The following TERF2 variants were observed in gnomAD, a reference collection of about 807,000 sequenced individuals.
The protein encoded by TERF2 is telomeric repeat binding factor 2.
In TERF2, 16 loss-of-function variants were observed where a neutral mutation model predicts 56.1. The ratio of observed to expected loss-of-function variants is 0.29; its 90% CI spans 0.19 to 0.43. TERF2 has a LOEUF of 0.43. Among genes scored for constraint, TERF2 ranks in the 20% least tolerant of loss-of-function variants. TERF2 has a pLI of 1.00. For synonymous variants in TERF2, 296 were observed against 282.1 expected (o/e 1.05, Z -0.50); for missense variants, 547 against 712.9 (o/e 0.77, Z 2.65).
At chr16:69,375,857 AT>A (rs914894457) in intron 3 of TERF2, among the ~76,000 whole-genome samples, 2 of 151,438 alleles carry the variant, frequency 1.3e-5, no homozygotes, top group Admixed American at 6.6e-5. Context: ...TTTTCATGTA[AT>A]TTTTTTTTAC....
At chr16:69,385,302 T>G in intron 2 of TERF2, 89 bp downstream of exon 2, 1 of 1,179,524 alleles carries the variant, frequency 8.5e-7, no homozygotes, top group Non-Finnish European at 1.3e-6. Flanking sequence ...CTATCGCACT[T>G]TAACCTGGAA....
At chr16:69,378,615 G>A (rs1363210397) in intron 3 of TERF2, among the ~76,000 whole-genome samples, 2 of 152,162 alleles carry the variant, frequency 1.3e-5, no homozygotes, top group East Asian at 1.9e-4. Flanking sequence ...TTGAGTCTGG[G>A]CTGGGTGACA....
chr16:69,363,693 G>A (rs1462581903), intron 7 of TERF2, among the ~76,000 whole-genome samples: 1 of 152,216 alleles, frequency 6.6e-6, no homozygotes, highest in African/African-American at 2.4e-5. Context: ...AGACAGTTGG[G>A]AGCAGTGGCT....
chr16:69,363,046 G>T (rs532221017), intron 7 of TERF2, among the ~76,000 whole-genome samples: 2 of 152,298 alleles, frequency 1.3e-5, no homozygotes, highest in South Asian at 4.1e-4. Flanking sequence ...ACAAATGGTA[G>T]ACCTAACTTT....
At chr16:69,372,183 T>A in intron 4 of TERF2, 86 bp downstream of exon 4, 2 of 916,748 alleles carry the variant, frequency 2.2e-6, no homozygotes, top group Non-Finnish European at 3.4e-6. Context: ...TAAGTAATAT[T>A]CCTGACCAAG....
chr16:69,375,263 T>C (rs1313973649), intron 3 of TERF2, among the ~76,000 whole-genome samples: 2 of 152,226 alleles, frequency 1.3e-5, no homozygotes, highest in Non-Finnish European at 2.9e-5. Flanking sequence ...CTAAGGTAAA[T>C]ACCCAAGAAT....
intron 7 of TERF2, among the ~76,000 whole-genome samples, chr16:69,364,225 C>T (rs2013254984): frequency 6.6e-6 from 1 of 152,122 alleles, no homozygotes; most frequent in African/African-American, 2.4e-5. Flanking sequence ...GTCCAAGTGA[C>T]ACTGCCAACC....
In TERF2 at chr16:69,368,743, C is replaced by A. The variant is rs534631814; in HGVS notation, c.841-261G>T. 8.7e-4 allele frequency: 615 copies of A among 704,434 alleles called. 9 individuals are homozygous for A. Among genetic ancestry groups the A allele is most frequent in the South Asian group, 7.3e-3 (440 of 60,448 alleles). 43.6% of individuals were successfully genotyped at this position (704,434 alleles called of 1,614,324 possible). A position where few individuals can be genotyped will look rare whatever the true frequency, so the allele number is the denominator to read the frequency against. The stretch of plus-strand genomic sequence containing the variant: ...CCAGGCTGCAGCACAGTGGTGCAAT[C>A]TCGGCTCACTGCAATCTCCACCTCC... On this transcript the variant is annotated intron_variant, in intron 5 of 9. Transcript: ENST00000254942.
intron 8 of TERF2, among the ~76,000 whole-genome samples, chr16:69,360,586 T>C (rs2013097904): frequency 1.3e-5 from 2 of 151,424 alleles, no homozygotes; most frequent in Admixed American, 6.6e-5. Flanking sequence ...CAAGGGCCTG[T>C]AGTCCCCGAT....
At chr16:69,368,735 G>C in intron 5 of TERF2, 1 of 794,636 alleles carries the variant, frequency 1.3e-6, no homozygotes, top group South Asian at 1.6e-5. Flanking sequence ...GCAGCACAGT[G>C]GTGCAATCTC....
At position 69,356,327 on chromosome 16, in the gene TERF2, G is replaced by GA. The variant is rs1025269361; in HGVS notation, c.*570dup. The GA allele has an allele frequency of 2.6e-6, 1 of 389,174 alleles. No homozygotes were observed. Among genetic ancestry groups the GA allele is most frequent in the African/African-American group, 2.1e-5 (1 of 47,424 alleles). The allele number at this position is 389,174 out of a possible 1,614,324, so 24.1% of individuals were successfully genotyped here. A position where few individuals can be genotyped will look rare whatever the true frequency, so the allele number is the denominator to read the frequency against. On this transcript the variant is annotated 3_prime_UTR_variant, in exon 10 of 10. Transcript: ENST00000254942. ...AATTTAAGCAAACCACTAAAGAAGG[G>GA]AAACGCTAATGATATTCTGGCACTG...
At position 69,368,424 on chromosome 16, in the gene TERF2, T is replaced by G; in HGVS notation, c.899A>C (p.Lys300Thr). 1.9e-6 allele frequency: 3 copies of G among 1,614,182 alleles called. No individual in the cohort carries two copies. Among genetic ancestry groups the G allele is most frequent in the Non-Finnish European group, 2.5e-6 (3 of 1,180,034 alleles). ...SAASSTGKED[K>T]QPAPGPVEKP... ...TTCCACAGGCCCTGGTGCTGGCTGT[T>G]TATCTTCCTTCCCTGTACTTGAGGC... is the stretch of plus-strand genomic sequence containing the variant. The change falls in exon 6 of 10, where the codon AAA becomes ACA. Residue 300 changes from lysine to threonine, a missense_variant. Physicochemically the swap from Lys to Thr is moderately conservative, Grantham distance 78. This residue lies in a region of TERF2 where 211 missense variants were observed against 236.8 expected (regional missense o/e 0.89). Coordinates refer to ENST00000254942, the MANE Select transcript of TERF2 (RefSeq NM_005652.5).
chr16:69,360,031 G>A (rs1442985710), intron 8 of TERF2, among the ~76,000 whole-genome samples: 1 of 151,958 alleles, frequency 6.6e-6, no homozygotes, highest in African/African-American at 2.4e-5. Context: ...CCAAAGTGCT[G>A]GGATTACAGG....
chr16:69,376,289 A>G (rs948367061), intron 3 of TERF2, among the ~76,000 whole-genome samples: 1 of 152,180 alleles, frequency 6.6e-6, no homozygotes, highest in African/African-American at 2.4e-5. Flanking sequence ...TTTCAATACC[A>G]TTTGTTGAAA....
At chr16:69,359,819 C>T (rs1037560039) in intron 8 of TERF2, among the ~76,000 whole-genome samples, 1 of 151,478 alleles carries the variant, frequency 6.6e-6, no homozygotes, top group Non-Finnish European at 1.5e-5. Flanking sequence ...CAGGGTTTCA[C>T]CATATTGGCC....
chr16:69,376,967 G>A (rs1286136975), intron 3 of TERF2, among the ~76,000 whole-genome samples: 1 of 151,908 alleles, frequency 6.6e-6, no homozygotes, highest in African/African-American at 2.4e-5. Flanking sequence ...CTGGGAGGCC[G>A]ACGCAGGCGG....
rs529749896 is a variant in TERF2 at position 69,369,886 on chromosome 16, C to A, written c.840+597G>T. 3.3e-5 allele frequency among the ~76,000 whole-genome samples: 5 copies of A among 152,320 alleles called. No individual in the cohort carries two copies. The South Asian group carries it at 8.3e-4, about 25-fold the overall frequency. ...CCTCCAAACTTAGTTCACAAGTCATCGCCTTTGGGAACCACCATCGATTGC... is the reference window on the plus strand; with the variant it reads ...CCTCCAAACTTAGTTCACAAGTCATAGCCTTTGGGAACCACCATCGATTGC... On this transcript the variant is annotated intron_variant, in intron 5 of 9. Transcript: ENST00000254942.
chr16:69,367,184 A>C lies in TERF2; in HGVS notation c.963T>G (p.Pro321=). The C allele has an allele frequency of 6.2e-7, 1 of 1,607,864 alleles. No homozygotes were observed. Among genetic ancestry groups the C allele is most frequent in the Non-Finnish European group, 8.5e-7 (1 of 1,175,202 alleles). Residue 321 remains proline, a synonymous_variant, in exon 7 of 10, where the codon CCT becomes CCG. Coordinates refer to ENST00000254942, the MANE Select transcript of TERF2 (RefSeq NM_005652.5). The stretch of plus-strand genomic sequence containing the variant: ...GAGTCATCATTCCAATGGTGGTTGG[A>C]GGATTCCGTAGCTGCCTGCAAATCA... ...PREPARQLRN[P]PTTIGMMTLK...
intron 3 of TERF2, among the ~76,000 whole-genome samples, chr16:69,384,237 G>C (rs1042626123): frequency 1.3e-5 from 2 of 152,144 alleles, no homozygotes; most frequent in African/African-American, 4.8e-5. Flanking sequence ...TATCTCCTTG[G>C]TTTATTATAA....
Sources: allele counts gnomAD v4.1 joint callset (sites outside exome capture counted in the v4.1 genomes callset), GRCh38; gene constraint gnomAD v4.1.1; regional missense constraint gnomAD v4.1.1; transcripts MANE v1.5; gene names NCBI Gene and HGNC (gene_info 2026-07-23, HGNC 2026-07-21).